KIF2C: variants seen among roughly 807,000 people sequenced by gnomAD.
KIF2C encodes kinesin family member 2C.
A neutral mutation model predicts 97.4 loss-of-function variants in KIF2C; 34 were observed. The ratio of observed to expected loss-of-function variants is 0.35; its 90% CI spans 0.27 to 0.46. The LOEUF (loss-of-function observed/expected upper bound fraction) is 0.46. Among genes scored for constraint, KIF2C ranks in the 20% least tolerant of loss-of-function variants. KIF2C has a pLI of 1.00. For missense variants in KIF2C, 750 were observed against 907.6 expected (o/e 0.83, Z 2.23); for synonymous variants, 313 against 318.2 (o/e 0.98, Z 0.17).
intron 19 of KIF2C, among the ~76,000 whole-genome samples, chr1:44,765,095 G>A (rs911569516): frequency 1.3e-5 from 2 of 152,022 alleles, no homozygotes; most frequent in African/African-American, 4.8e-5. Flanking sequence ...ACTCCAGCCT[G>A]GGCAACAGAG....
chr1:44,746,639 G>T, intron 2 of KIF2C: 1 of 1,525,032 alleles, frequency 6.6e-7, no homozygotes. Context: ...GAGCCAAGTG[G>T]CCTAGATCTG....
chr1:44,752,430 G>A (rs746565756), intron 5 of KIF2C, among the ~76,000 whole-genome samples: 10 of 152,116 alleles, frequency 6.6e-5, no homozygotes, highest in South Asian at 2.1e-4. Context: ...CACCGTGCCC[G>A]GCTATAAATT....
Position 44,757,547 on chromosome 1 carries a change from C to T in KIF2C, c.978-9C>T. Reference sequence around the variant, plus strand: ...GGGAACAGATACAAATACTCTACCCCTCTTCTAGGTTCACAGCAAGGCCAC... The same window carrying T: ...GGGAACAGATACAAATACTCTACCCTTCTTCTAGGTTCACAGCAAGGCCAC... On this transcript the variant is annotated splice_polypyrimidine_tract_variant and intron_variant, in intron 10 of 20. Transcript: ENST00000372224. The T allele has an allele frequency of 1.3e-6, 2 of 1,588,170 alleles. No individual in the cohort carries two copies. The highest frequency in any genetic ancestry group is 1.1e-5 in the South Asian group (1 of 90,512).
chr1:44,756,649 T>C (rs1170437293), intron 10 of KIF2C, among the ~76,000 whole-genome samples: 1 of 149,942 alleles, frequency 6.7e-6, no homozygotes, highest in Non-Finnish European at 1.5e-5. Flanking sequence ...GCCTCCCAGG[T>C]TCCAGCGATT....
At chr1:44,761,058 G>A (rs1573574118) in intron 16 of KIF2C, 5 of 252,214 alleles carry the variant, frequency 2.0e-5, no homozygotes, top group Middle Eastern at 1.4e-3. Flanking sequence ...CAGGTTCACT[G>A]GCTCCCAGCC....
Position 44,760,625 on chromosome 1 carries a change from C to T in KIF2C, c.1606C>T (p.His536Tyr). ...CAGGGCCCTGGGACAGAACAAGGCT[C>T]ACACCCCGTTCCGTGAGAGCAAGCT... The part of the protein sequence containing the change: ...CIRALGQNKA[H>Y]TPFRESKLTQ... Residue 536 changes from histidine to tyrosine, a missense_variant, in exon 16 of 21, where the codon CAC (histidine) becomes TAC (tyrosine). Transcript: ENST00000372224. The surrounding 1 kb of genome is among the most constrained non-coding windows in gnomAD (Gnocchi z 4.2). 1.2e-6 allele frequency: 2 copies of T among 1,614,202 alleles called. No homozygotes were observed. Among genetic ancestry groups the T allele is most frequent in the Non-Finnish European group, 1.7e-6 (2 of 1,180,040 alleles).
intron 1 of KIF2C, 106 bp from the exon 2 acceptor site, chr1:44,740,807 C>A (rs1426474248): frequency 4.0e-5 from 13 of 322,274 alleles, no homozygotes; most frequent in African/African-American, 9.2e-5. Flanking sequence ...TTTAAGGTAG[C>A]TGCCTGTTCC....
At chr1:44,752,785 T>G (rs1484235501) in intron 5 of KIF2C, among the ~76,000 whole-genome samples, 1 of 152,168 alleles carries the variant, frequency 6.6e-6, no homozygotes, top group African/African-American at 2.4e-5. Context: ...TTGAGAGAAG[T>G]CAGAAAGGCC....
chr1:44,745,266 T>C (rs947012620), intron 2 of KIF2C, among the ~76,000 whole-genome samples: 4 of 151,688 alleles, frequency 2.6e-5, no homozygotes, highest in African/African-American at 9.7e-5. Context: ...GGGGGAGGTA[T>C]GTACCAAGAG....
intron 2 of KIF2C, 72 bp from the exon 3 acceptor site, chr1:44,747,307 CAAAAA>C (rs34903658): frequency 5.1e-6 from 5 of 989,688 alleles, no homozygotes; most frequent in South Asian, 1.5e-5. Flanking sequence ...TACTCTGTCT[CAAAAA>C]AAAAAAAAAA....
In KIF2C at chr1:44,758,130, A is replaced by G; in HGVS notation, c.1214A>G (p.Tyr405Cys). ...GTCTATGTGACATTCTTCGAGATCT[A>G]CAATGGGAAGGTAGCTGGCAGGAAG... ...LEVYVTFFEI[Y>C]NGKLFDLLNK... Residue 405 changes from tyrosine to cysteine, a missense_variant, in exon 13 of 21, where the codon TAC becomes TGC. By Grantham distance (194) the Tyr-to-Cys change is radical (BLOSUM62 -2). Transcript: ENST00000372224. 1 of 1,614,006 alleles carries G rather than the reference A, an allele frequency of 6.2e-7. No homozygotes were observed. The highest frequency in any genetic ancestry group is 8.5e-7 in the Non-Finnish European group (1 of 1,179,930).
intron 13 of KIF2C, among the ~76,000 whole-genome samples, chr1:44,758,769 G>A (rs866458555): frequency 1.3e-5 from 2 of 152,048 alleles, no homozygotes; most frequent in Non-Finnish European, 2.9e-5. Context: ...CCAGCTACTC[G>A]GGAGTCTGAG....
chr1:44,753,599 G>A, intron 6 of KIF2C, 134 bp from the exon 7 acceptor site: 1 of 621,758 alleles, frequency 1.6e-6, no homozygotes, highest in Non-Finnish European at 2.8e-6. Flanking sequence ...AGTGATTTAA[G>A]AGTAAGGATC....
At chr1:44,745,328 C>T (rs1649127913) in intron 2 of KIF2C, among the ~76,000 whole-genome samples, 1 of 150,384 alleles carries the variant, frequency 6.6e-6, no homozygotes, top group Non-Finnish European at 1.5e-5. Context: ...GAAGTGCTTG[C>T]CAGCTTTTGC....
At chr1:44,741,111 TCTCA>T (rs1202661105) in intron 2 of KIF2C, 104 bp downstream of exon 2, 10 of 840,868 alleles carry the variant, frequency 1.2e-5, no homozygotes, top group South Asian at 5.0e-5. Flanking sequence ...GCTGTGCTCT[TCTCA>T]CTCACGCCTG....
rs1428723690 is a variant in KIF2C at position 44,767,269 on chromosome 1, G to A, written c.*90G>A. ...TTTGGGTACCTGGTGGGTCTAGGCA[G>A]GGTCTGAGCTGGGACAGGTTCTGGT... On this transcript the variant is annotated 3_prime_UTR_variant, in exon 21 of 21. Transcript: ENST00000372224. 8.7e-7 allele frequency: 1 copy of A among 1,147,280 alleles called. No individual in the cohort carries two copies. The highest frequency in any genetic ancestry group is 1.5e-5 in the African/African-American group (1 of 65,594). 71.1% of individuals were successfully genotyped at this position (1,147,280 alleles called of 1,614,324 possible).
rs764370471 is a variant in KIF2C at position 44,764,179 on chromosome 1, A to C, written c.1971+1521A>C. Among the ~76,000 whole-genome samples the C allele has an allele frequency of 8.9e-4, 136 of 152,028 alleles. 1 individual carries two copies. The highest frequency in any genetic ancestry group is 1.7e-3 in the South Asian group (8 of 4,802). On this transcript the variant is annotated intron_variant, in intron 19 of 20. Transcript: ENST00000372224. Reference sequence around the variant, plus strand: ...CCCCCAAAATATGTACTCTCTCTCTATATATATATGTTTTTGAGACAGAGT... The same window carrying C: ...CCCCCAAAATATGTACTCTCTCTCTCTATATATATGTTTTTGAGACAGAGT...
chr1:44,753,720 T>TA lies in KIF2C; in HGVS notation c.563-12dup, dbSNP rs769317445. ...GCTTCCTTTTTTTTTCTTTTTTTTT[T>TA]ATGTTTTCATAGTTCGGAGGAAATC... is the stretch of plus-strand genomic sequence containing the variant. On this transcript the variant is annotated splice_polypyrimidine_tract_variant and intron_variant, in intron 6 of 20. Transcript: ENST00000372224. 1.9e-6 allele frequency: 3 copies of TA among 1,551,344 alleles called. No individual in the cohort carries two copies. Among genetic ancestry groups the TA allele is most frequent in the South Asian group, 2.4e-5 (2 of 84,014 alleles).
intron 17 of KIF2C, 171 bp downstream of exon 17, chr1:44,762,154 C>A: frequency 1.2e-6 from 1 of 837,278 alleles, no homozygotes; most frequent in Non-Finnish European, 2.1e-6. Flanking sequence ...CAATCCTCTC[C>A]GGGCCCTGCT....
Sources: gnomAD v4.1 joint callset for allele counts (sites outside exome capture counted in the v4.1 genomes callset) on GRCh38, gnomAD v4.1.1 for gene constraint, Gnocchi (gnomAD v3.1) non-coding constraint, MANE v1.5 for transcripts, NCBI Gene and HGNC (gene_info 2026-07-23, HGNC 2026-07-21) for gene names.